Variants in GRID2 observed in about 807,000 individuals in gnomAD.
GRID2 encodes glutamate ionotropic receptor delta type subunit 2, also known as glutamate receptor ionotropic, delta-2.
A neutral mutation model predicts 114.8 loss-of-function variants in GRID2; 33 were observed. The ratio of observed to expected loss-of-function variants is 0.29; its 90% confidence interval spans 0.22 to 0.38. The LOEUF is 0.38. GRID2 is among the 10% of genes least tolerant of loss of function. The probability of loss-of-function intolerance (pLI) is 1.00; values close to 1 mark genes in which losing one functional copy is unlikely to be tolerated. For missense variants in GRID2, 1,184 were observed against 1,257.7 expected, an observed-to-expected ratio of 0.94 and a Z score of 0.89; for synonymous variants, 505 against 449.9, an observed-to-expected ratio of 1.12 and a Z score of -1.55.
At chr4:92,516,352 A>C (rs1724501288) in intron 1 of GRID2, among the ~76,000 whole-genome samples, 1 of 151,908 alleles carries the variant, frequency 6.6e-6, no homozygotes, top group African/African-American at 2.4e-5. Flanking sequence ...CAAATACTTA[A>C]AATAACCAAC....
chr4:92,361,819 AT>A (rs1728633448), intron 1 of GRID2, among the ~76,000 whole-genome samples: 1 of 151,980 alleles, frequency 6.6e-6, no homozygotes, highest in African/African-American at 2.4e-5. Flanking sequence ...ATGCCAGAGA[AT>A]TTGCAACAGT....
intron 13 of GRID2, among the ~76,000 whole-genome samples, chr4:93,524,817 ATG>A (rs1219101409): frequency 4.4e-4 from 26 of 59,260 alleles, no homozygotes; most frequent in South Asian, 1.3e-3. Flanking sequence ...ATATATATGT[ATG>A]TATGTATATA....
At chr4:93,590,217 G>C (rs1211751198) in intron 13 of GRID2, among the ~76,000 whole-genome samples, 1 of 150,286 alleles carries the variant, frequency 6.7e-6, no homozygotes, top group Non-Finnish European at 1.5e-5. Context: ...AATCCATCTT[G>C]AACTGATTTT....
chr4:92,594,076 G>T (rs1728835668), intron 2 of GRID2, among the ~76,000 whole-genome samples: 1 of 151,378 alleles, frequency 6.6e-6, no homozygotes, highest in Non-Finnish European at 1.5e-5. Flanking sequence ...TTCTTCTAGG[G>T]TTACCATGCT....
chr4:92,304,206 G>A lies in GRID2; in HGVS notation c.-451G>A, dbSNP rs1725256458. Reference sequence around the variant, plus strand: ...GATTCTCTGCGGGCTGTAGGGGCGGGGGCGGGGGTCTTTTTTGGTCCGAGA... The same window carrying A: ...GATTCTCTGCGGGCTGTAGGGGCGGAGGCGGGGGTCTTTTTTGGTCCGAGA... On this transcript the variant is annotated 5_prime_UTR_variant, in exon 1 of 16. Transcript: ENST00000282020. The A allele has an allele frequency of 5.5e-6, 1 of 180,814 alleles. No individual in the cohort carries two copies. Among genetic ancestry groups the A allele is most frequent in the African/African-American group, 2.4e-5 (1 of 41,578 alleles). 11.2% of individuals were successfully genotyped at this position (180,814 alleles called of 1,614,324 possible).
chr4:92,619,811 A>G (rs914763414), intron 2 of GRID2, among the ~76,000 whole-genome samples: 6 of 151,628 alleles, frequency 4.0e-5, no homozygotes, highest in African/African-American at 1.5e-4. Flanking sequence ...AAATAGTTTC[A>G]CACATGAGTT....
At chr4:93,749,310 A>G (rs1016426573) in intron 14 of GRID2, among the ~76,000 whole-genome samples, 11 of 152,208 alleles carry the variant, frequency 7.2e-5, no homozygotes, top group Non-Finnish European at 4.4e-5. Context: ...GACAGTTTAT[A>G]AAAGTTGCAA....
chr4:92,970,639 T>C (rs1232373875), intron 2 of GRID2, among the ~76,000 whole-genome samples: 2 of 151,950 alleles, frequency 1.3e-5, no homozygotes, highest in African/African-American at 2.4e-5. Flanking sequence ...AAAATCACTT[T>C]CGTGTTAGTC....
At chr4:93,754,453 T>G (rs1238983857) in intron 14 of GRID2, among the ~76,000 whole-genome samples, 2 of 152,216 alleles carry the variant, frequency 1.3e-5, no homozygotes, top group East Asian at 3.8e-4. Flanking sequence ...GTATGTCCAT[T>G]TGTTATATAT....
chr4:93,193,753 T>A (rs934941437), intron 4 of GRID2, among the ~76,000 whole-genome samples: 1 of 152,204 alleles, frequency 6.6e-6, no homozygotes, highest in Non-Finnish European at 1.5e-5. Context: ...CTGATAATTA[T>A]TTCAGTAAAC....
At chr4:93,228,006 C>T (rs1745697117) in intron 7 of GRID2, among the ~76,000 whole-genome samples, 1 of 152,198 alleles carries the variant, frequency 6.6e-6, no homozygotes, top group Non-Finnish European at 1.5e-5. Flanking sequence ...CTATTCACAG[C>T]AGTACAGTTT....
At chr4:92,803,745 G>A (rs571009939) in intron 2 of GRID2, among the ~76,000 whole-genome samples, 9 of 152,016 alleles carry the variant, frequency 5.9e-5, no homozygotes, top group Admixed American at 5.9e-4. Flanking sequence ...TGCATTGAAT[G>A]CTAAAAGGTA....
intron 13 of GRID2, among the ~76,000 whole-genome samples, chr4:93,569,062 A>G (rs899064291): frequency 3.9e-5 from 6 of 152,116 alleles, no homozygotes; most frequent in African/African-American, 1.2e-4. Context: ...AGATCTCTCT[A>G]GGGAGAACTT....
intron 1 of GRID2, among the ~76,000 whole-genome samples, chr4:92,467,614 C>T (rs1024029282): frequency 9.2e-5 from 14 of 151,882 alleles, no homozygotes; most frequent in African/African-American, 2.9e-4. Context: ...CTGGTTTGTG[C>T]ATCTAGAACA....
At chr4:92,983,676 A>G (rs2149191888) in intron 2 of GRID2, among the ~76,000 whole-genome samples, 1 of 152,210 alleles carries the variant, frequency 6.6e-6, no homozygotes, top group South Asian at 2.1e-4. Context: ...ACCCTTTAAG[A>G]TGGAAAACAC....
At chr4:92,887,245 A>G (rs1746439574) in intron 2 of GRID2, among the ~76,000 whole-genome samples, 1 of 152,240 alleles carries the variant, frequency 6.6e-6, no homozygotes, top group African/African-American at 2.4e-5. Flanking sequence ...GTATCCTTAC[A>G]TAGGACACCC....
At chr4:92,309,979 C>A (rs962034513) in intron 1 of GRID2, among the ~76,000 whole-genome samples, 8 of 151,454 alleles carry the variant, frequency 5.3e-5, no homozygotes, top group African/African-American at 1.9e-4. Flanking sequence ...TGAGACAAAA[C>A]ATATGAAAAT....
chr4:93,578,585 G>GTTTTTTTTTTTTTTTTTTTTT (rs1736642083), intron 13 of GRID2, among the ~76,000 whole-genome samples: 1 of 115,260 alleles, frequency 8.7e-6, no homozygotes, highest in African/African-American at 3.8e-5. Flanking sequence ...CTTGTTTTTT[G>GTTTTTTTTTTTTTTTTTTTTT]TATTTTTTTT....
At chr4:93,525,218 A>G (rs1730766134) in intron 13 of GRID2, among the ~76,000 whole-genome samples, 1 of 152,102 alleles carries the variant, frequency 6.6e-6, no homozygotes, top group Non-Finnish European at 1.5e-5. Context: ...ATCAGTGAAG[A>G]CTTCCTAAAG....
Sources: allele counts gnomAD v4.1 joint callset (sites outside exome capture counted in the v4.1 genomes callset), GRCh38; gene constraint gnomAD v4.1.1; transcripts MANE v1.5; gene names NCBI Gene and HGNC (gene_info 2026-07-23, HGNC 2026-07-21).